Variants in ZNF704 observed in about 807,000 individuals in gnomAD.
ZNF704 encodes the protein glucocorticoid induced gene 1.
Under a neutral mutation model 44.7 loss-of-function variants are expected in ZNF704, and 10 were observed. The ratio of observed to expected loss-of-function variants is 0.22; its 90% confidence interval spans 0.14 to 0.38. The LOEUF (loss-of-function observed/expected upper bound fraction) is 0.38. ZNF704 is among the 10% of genes least tolerant of loss of function. The pLI is 1.00. For missense variants in ZNF704, 390 were observed against 545.5 expected (o/e 0.71, Z 2.84); for synonymous variants, 211 against 207.6 (o/e 1.02, Z -0.14).
intron 2 of ZNF704, among the ~76,000 whole-genome samples, chr8:80,800,551 C>T (rs780087332): frequency 1.2e-4 from 18 of 152,190 alleles, no homozygotes; most frequent in East Asian, 1.9e-4. Flanking sequence ...ATGTCACATC[C>T]GGCCAAATTA....
chr8:80,877,338 G>A (rs902756783), upstream of ZNF704, among the ~76,000 whole-genome samples: 1 of 152,200 alleles, frequency 6.6e-6, no homozygotes, highest in Non-Finnish European at 1.5e-5. Context: ...GTCTAGGCAA[G>A]TGCAGGCCAC....
chr8:80,709,441 TCAA>T (rs1818948555), intron 2 of ZNF704, among the ~76,000 whole-genome samples: 4 of 33,352 alleles, frequency 1.2e-4, no homozygotes, highest in African/African-American at 3.0e-4. Flanking sequence ...AGACTCCATC[TCAA>T]AAAAAAAAAA....
intron 1 of ZNF704, among the ~76,000 whole-genome samples, chr8:80,872,872 T>G (rs1388338501): frequency 6.6e-6 from 1 of 152,086 alleles, no homozygotes; most frequent in Non-Finnish European, 1.5e-5. Flanking sequence ...ATTTGCAATT[T>G]TGAGGAGGGA....
At chr8:80,829,589 G>C (rs747162061) in intron 1 of ZNF704, among the ~76,000 whole-genome samples, 1 of 151,994 alleles carries the variant, frequency 6.6e-6, no homozygotes, top group Non-Finnish European at 1.5e-5. Flanking sequence ...AGGAAGTCTA[G>C]CTTTTAGCTT....
chr8:80,866,280 C>T lies in ZNF704; in HGVS notation c.-22+8291G>A, dbSNP rs372336642. Among the ~76,000 whole-genome samples the T allele has an allele frequency of 3.1e-4, 47 of 152,286 alleles. No individual in the cohort carries two copies. The East Asian group carries it at 7.3e-3, about 24-fold the overall frequency. ...AAAGAGGAAAAGCGACTTCATACCT[C>T]TTTACAGACAACTTGGCAGGAATGT... On this transcript the variant is annotated intron_variant, in intron 1 of 8. Coordinates refer to ENST00000327835, the MANE Select transcript of ZNF704 (RefSeq NM_001033723.3).
chr8:80,856,228 G>C (rs1229753196), intron 1 of ZNF704, among the ~76,000 whole-genome samples: 2 of 152,076 alleles, frequency 1.3e-5, no homozygotes, highest in African/African-American at 4.8e-5. Flanking sequence ...CAAAGTGCCA[G>C]GATTATAGCT....
intron 7 of ZNF704, among the ~76,000 whole-genome samples, chr8:80,651,692 A>G (rs1817922924): frequency 6.6e-6 from 1 of 152,204 alleles, no homozygotes; most frequent in Non-Finnish European, 1.5e-5. Context: ...CTACAAAGAG[A>G]CTTAGACTCC....
At chr8:80,752,230 T>G (rs1806956170) in intron 2 of ZNF704, among the ~76,000 whole-genome samples, 1 of 152,014 alleles carries the variant, frequency 6.6e-6, no homozygotes, top group Non-Finnish European at 1.5e-5. Flanking sequence ...TTAGGCATAA[T>G]AAGCTTTTAC....
upstream of ZNF704, among the ~76,000 whole-genome samples, chr8:80,875,656 G>A (rs1194959031): frequency 6.6e-6 from 1 of 152,166 alleles, no homozygotes; most frequent in African/African-American, 2.4e-5. Flanking sequence ...TCCCTGTAGA[G>A]GAGGGCTGGG....
chr8:80,680,359 A>G (rs1289784190), intron 4 of ZNF704, among the ~76,000 whole-genome samples: 1 of 147,038 alleles, frequency 6.8e-6, no homozygotes, highest in Non-Finnish European at 1.5e-5. Context: ...AAGGATCTTC[A>G]GGTATTTTTT....
intron 2 of ZNF704, among the ~76,000 whole-genome samples, chr8:80,786,449 C>A (rs776468449): frequency 4.6e-5 from 7 of 152,146 alleles, no homozygotes; most frequent in Non-Finnish European, 8.8e-5. Flanking sequence ...TTTCTTCAAA[C>A]TTCCACAAGG....
chr8:80,798,099 CAGT>C (rs1444212459), intron 2 of ZNF704, among the ~76,000 whole-genome samples: 7 of 151,908 alleles, frequency 4.6e-5, no homozygotes, highest in African/African-American at 1.7e-4. Flanking sequence ...TGTGGATATA[CAGT>C]AGGTGTATTA....
intron 2 of ZNF704, among the ~76,000 whole-genome samples, chr8:80,748,380 G>C (rs1165386295): frequency 6.6e-6 from 1 of 152,148 alleles, no homozygotes; most frequent in Non-Finnish European, 1.5e-5. Context: ...GTTCCTTGAA[G>C]GGAGAAACTG....
At chr8:80,830,272 G>A (rs973468613) in intron 1 of ZNF704, among the ~76,000 whole-genome samples, 1 of 152,154 alleles carries the variant, frequency 6.6e-6, no homozygotes, top group Non-Finnish European at 1.5e-5. Context: ...TGGAAAGGAA[G>A]GGATAAGCAA....
intron 2 of ZNF704, among the ~76,000 whole-genome samples, chr8:80,726,900 A>G (rs1806491672): frequency 6.6e-6 from 1 of 152,094 alleles, no homozygotes; most frequent in African/African-American, 2.4e-5. Context: ...GCAGTTATGC[A>G]TCTGTATATT....
intron 7 of ZNF704, among the ~76,000 whole-genome samples, chr8:80,653,281 C>T (rs1414147881): frequency 6.6e-6 from 1 of 152,100 alleles, no homozygotes; most frequent in East Asian, 1.9e-4. Flanking sequence ...CCCTCTCTCA[C>T]CACTCCTATT....
In ZNF704 at chr8:80,724,584, C is replaced by A. The variant is rs1342276335; in HGVS notation, c.222-31477G>T. Among the ~76,000 whole-genome samples, 3 of 152,174 alleles carry A rather than the reference C, an allele frequency of 2.0e-5. No individual in the cohort carries two copies. In the South Asian group the frequency reaches 6.2e-4, roughly 32 times the overall value. On this transcript the variant is annotated intron_variant, in intron 2 of 8. Coordinates refer to ENST00000327835, the MANE Select transcript of ZNF704 (RefSeq NM_001033723.3). ...GTCCAGACCTTCTAAAACTGTACTC[C>A]TGCCTGCCATTAATGAAACCTTCAC... is the stretch of plus-strand genomic sequence containing the variant.
intron 2 of ZNF704, among the ~76,000 whole-genome samples, chr8:80,705,007 T>G (rs1818873270): frequency 6.6e-6 from 1 of 152,140 alleles, no homozygotes; most frequent in African/African-American, 2.4e-5. Context: ...GGGGAATTCT[T>G]GTGGGACTGA....
rs910917044 is a variant in ZNF704, at chr8:80,874,356, C to T, written c.-22+215G>A. On this transcript the variant is annotated intron_variant, in intron 1 of 8. Transcript: ENST00000327835. This position sits in a 1 kb window ranked among gnomAD's most constrained non-coding sequence, Gnocchi z 4.4. ...CCGCCGCCGCCCGGGAGCCGCGGGC[C>T]GCGCTGCGCTCCATGCGGCCGGCGG... Among the ~76,000 whole-genome samples the T allele has an allele frequency of 1.9e-4, 28 of 145,816 alleles. No homozygotes were observed. In the South Asian group the frequency reaches 4.0e-3, roughly 21 times the overall value.
Sources: allele counts gnomAD v4.1 joint callset (sites outside exome capture counted in the v4.1 genomes callset), GRCh38; gene constraint gnomAD v4.1.1; non-coding constraint Gnocchi (gnomAD v3.1); transcripts MANE v1.5; gene names NCBI Gene and HGNC (gene_info 2026-07-23, HGNC 2026-07-21).